Variants in CENPP observed in about 807,000 individuals in gnomAD.
CENPP encodes the protein centromere protein P.
Under a neutral mutation model 35.6 loss-of-function variants are expected in CENPP, and 24 were observed. That is an observed-to-expected ratio of 0.67 (90% CI 0.49 to 0.95). The LOEUF is 0.95. Ranked by LOEUF, CENPP falls within the 40% of genes least tolerant of loss-of-function variation. The pLI is 0.00. For missense variants in CENPP, 332 were observed against 345.3 expected, an observed-to-expected ratio of 0.96 and a Z score of 0.31; for synonymous variants, 120 against 125.5, an observed-to-expected ratio of 0.96 and a Z score of 0.29.
intron 5 of CENPP, chr9:92,496,279 G>A (rs746810017): frequency 6.5e-7 from 1 of 1,545,958 alleles, no homozygotes; most frequent in Non-Finnish European, 8.7e-7. Flanking sequence ...ACAAATACAT[G>A]AGTAAAGTTT....
chr9:92,442,710 G>A (rs887940049), intron 5 of CENPP, among the ~76,000 whole-genome samples: 3 of 151,830 alleles, frequency 2.0e-5, no homozygotes, highest in African/African-American at 4.8e-5. Flanking sequence ...TTAGCCAGGC[G>A]TGGTGGTGGG....
chr9:92,546,502 A>G (rs1353418334), intron 5 of CENPP, among the ~76,000 whole-genome samples: 2 of 151,958 alleles, frequency 1.3e-5, no homozygotes, highest in Admixed American at 1.3e-4. Context: ...AGAAAAGAAC[A>G]ACTCCAGACG....
chr9:92,548,721 A>T (rs1368240648), intron 5 of CENPP, among the ~76,000 whole-genome samples: 1 of 152,232 alleles, frequency 6.6e-6, no homozygotes, highest in Non-Finnish European at 1.5e-5. Flanking sequence ...TAAAATTTTG[A>T]GAGAAGTTAA....
At chr9:92,366,041 G>A (rs1012577953) in intron 4 of CENPP, among the ~76,000 whole-genome samples, 8 of 151,710 alleles carry the variant, frequency 5.3e-5, no homozygotes, top group Admixed American at 2.6e-4. Flanking sequence ...TTAGCCAGGC[G>A]CGGTGGCGGG....
rs1564026678 is a variant in CENPP at position 92,619,880 on chromosome 9, T to TTGGAAGGAAAAGCAGTAAGCCACC, written c.*6734_*6757dup. 8 of 381,290 alleles carry TTGGAAGGAAAAGCAGTAAGCCACC rather than the reference T, an allele frequency of 2.1e-5. No homozygotes were observed. The highest frequency in any genetic ancestry group is 4.0e-5 in the Non-Finnish European group (8 of 201,624). The allele number at this position is 381,290 out of a possible 1,614,324, so 23.6% of individuals were successfully genotyped here. On this transcript the variant is annotated 3_prime_UTR_variant, in exon 8 of 8. Transcript: ENST00000375587. Reference sequence around the variant, plus strand: ...TCAGCAAGGTCACCACAGTCGGCCTTTGGAAGGAAAAGCAGTAAGCCACCT... The same window carrying TTGGAAGGAAAAGCAGTAAGCCACC: ...TCAGCAAGGTCACCACAGTCGGCCTTTGGAAGGAAAAGCAGTAAGCCACCTGGAAGGAAAAGCAGTAAGCCACCT...
At chr9:92,443,855 G>T (rs1333253320) in intron 5 of CENPP, among the ~76,000 whole-genome samples, 3 of 151,946 alleles carry the variant, frequency 2.0e-5, no homozygotes, top group Non-Finnish European at 4.4e-5. Context: ...TAGAGATGGG[G>T]TTTCACCATT....
chr9:92,385,626 GTATGACCCTA>G, intron 5 of CENPP: 1 of 1,613,644 alleles, frequency 6.2e-7, no homozygotes, highest in African/African-American at 1.3e-5. Flanking sequence ...GAGGTTAAAA[GTATGACCCTA>G]TCGGTAATCT....
chr9:92,484,191 C>T (rs988327004), intron 5 of CENPP, among the ~76,000 whole-genome samples: 3 of 151,968 alleles, frequency 2.0e-5, no homozygotes, highest in Non-Finnish European at 4.4e-5. Context: ...CAAAAAAAAA[C>T]ATATCATAAT....
At chr9:92,480,531 G>A (rs149249512) in intron 5 of CENPP, among the ~76,000 whole-genome samples, 217 of 152,304 alleles carry the variant, frequency 1.4e-3, no homozygotes, top group African/African-American at 4.8e-3. Flanking sequence ...GTTTGGCCAA[G>A]TTCTTAAAAG....
intron 5 of CENPP, chr9:92,457,580 C>A (rs537776898): frequency 1.1e-6 from 1 of 897,016 alleles, no homozygotes; most frequent in East Asian, 2.6e-5. Context: ...GTTTATTCAT[C>A]TGTTTATTTT....
At chr9:92,447,587 T>G (rs1844585526) in intron 5 of CENPP, among the ~76,000 whole-genome samples, 1 of 152,216 alleles carries the variant, frequency 6.6e-6, no homozygotes, top group Admixed American at 6.5e-5. Context: ...CCAGTTGTGG[T>G]CCATGACCCT....
At chr9:92,497,773 GT>G (rs1030419987) in intron 5 of CENPP, among the ~76,000 whole-genome samples, 1 of 151,580 alleles carries the variant, frequency 6.6e-6, no homozygotes. Context: ...AGGTGTTTGG[GT>G]CATGGGGGGC....
chr9:92,460,522 A>G (rs1347940411), intron 5 of CENPP: 2 of 1,606,508 alleles, frequency 1.2e-6, no homozygotes, highest in Non-Finnish European at 8.5e-7. Context: ...CACTGTTGAA[A>G]TTTTATTATA....
At chr9:92,538,777 A>G (rs1338690659) in intron 5 of CENPP, among the ~76,000 whole-genome samples, 1 of 152,220 alleles carries the variant, frequency 6.6e-6, no homozygotes, top group African/African-American at 2.4e-5. Context: ...ACTCTGCAGG[A>G]ATGTGGTATT....
chr9:92,332,394 C>CTTA (rs772548990), intron 2 of CENPP, 43 bp downstream of exon 2: 47 of 1,281,834 alleles, frequency 3.7e-5, no homozygotes, highest in Non-Finnish European at 4.8e-5. Flanking sequence ...GGAAGCTTAC[C>CTTA]TTATTATGCA....
intron 4 of CENPP, among the ~76,000 whole-genome samples, chr9:92,373,495 T>C (rs1377727012): frequency 6.6e-6 from 1 of 152,158 alleles, no homozygotes; most frequent in African/African-American, 2.4e-5. Context: ...TGTATTGTTT[T>C]TCTGAATTCT....
chr9:92,544,528 T>C (rs1849385790), intron 5 of CENPP, among the ~76,000 whole-genome samples: 1 of 107,340 alleles, frequency 9.3e-6, no homozygotes, highest in African/African-American at 5.0e-5. Context: ...CTTTCTATAG[T>C]TAATTTGTTG....
At chr9:92,351,280 G>GGC in intron 4 of CENPP, among the ~76,000 whole-genome samples, 1 of 152,148 alleles carries the variant, frequency 6.6e-6, no homozygotes, top group South Asian at 2.1e-4. Context: ...CATGAGGTCA[G>GGC]GAGTTCAAAT....
At chr9:92,543,837 T>C (rs1460270401) in intron 5 of CENPP, among the ~76,000 whole-genome samples, 1 of 152,204 alleles carries the variant, frequency 6.6e-6, no homozygotes, top group Admixed American at 6.5e-5. Flanking sequence ...CTTTTTCATG[T>C]AGTTTAGTTA....
Sources: allele counts gnomAD v4.1 joint callset (sites outside exome capture counted in the v4.1 genomes callset), GRCh38; gene constraint gnomAD v4.1.1; transcripts MANE v1.5; gene names NCBI Gene and HGNC (gene_info 2026-07-23, HGNC 2026-07-21).